TRIML1: variants seen among roughly 807,000 people sequenced by gnomAD.
TRIML1 encodes the protein probable E3 ubiquitin-protein ligase TRIML1.
Under a neutral mutation model 32.3 loss-of-function variants are expected in TRIML1, and 34 were observed. The observed-to-expected ratio is 1.05, with a 90% CI of 0.80 to 1.40. The LOEUF is 1.40. Ranked by LOEUF, TRIML1 falls within the 40% of genes most tolerant of loss-of-function variation. The pLI, the probability that TRIML1 is intolerant of heterozygous loss-of-function variation, is 0.00. For synonymous variants in TRIML1, 244 were observed against 226.6 expected, an observed-to-expected ratio of 1.08 and a Z score of -0.69; for missense variants, 595 against 574.9, an observed-to-expected ratio of 1.03 and a Z score of -0.36.
upstream of TRIML1, chr4:188,139,414 C>G: frequency 1.3e-6 from 1 of 765,994 alleles, no homozygotes; most frequent in Non-Finnish European, 2.1e-6. Context: ...CTGGTGAAAT[C>G]AGGCACAGAA....
At chr4:188,145,773 G>A (rs1287801090) in intron 5 of TRIML1, among the ~76,000 whole-genome samples, 1 of 152,084 alleles carries the variant, frequency 6.6e-6, no homozygotes, top group Non-Finnish European at 1.5e-5. Context: ...TCAAGATCGC[G>A]TCATTGCAGT....
chr4:188,148,002 A>C (rs137989723), downstream of TRIML1, among the ~76,000 whole-genome samples: 1 of 152,310 alleles, frequency 6.6e-6, no homozygotes, highest in Admixed American at 6.5e-5. Context: ...CCATAATCAC[A>C]ACAGGCTGGA....
rs553195275 is a variant in TRIML1 at position 188,147,221 on chromosome 4, C to T, written c.1256C>T (p.Ala419Val). 21 of 1,612,814 alleles carry T rather than the reference C, an allele frequency of 1.3e-5. No homozygotes were observed. The African/African-American group carries it at 2.4e-4, about 18-fold the overall frequency. ...CTGGACTATGAATCTGGACATATAG[C>T]ATTCTACAACGGGACGGATGAATCC... is the stretch of plus-strand genomic sequence containing the variant. ...VFLDYESGHI[A>V]FYNGTDESLI... The change falls in exon 6 of 6, where the codon GCA (alanine) becomes GTA (valine). Residue 419 changes from alanine to valine, a missense_variant. Ala to Val is a moderately conservative substitution (Grantham distance 64). Coordinates refer to ENST00000332517, the MANE Select transcript of TRIML1 (RefSeq NM_178556.5).
chr4:188,147,295 A>T lies in TRIML1; in HGVS notation c.1330A>T (p.Ile444Phe). Reference protein sequence around the residue: ...QASFQEALRPIFSPCLPNEGT... With the variant: ...QASFQEALRPFFSPCLPNEGT... ...TTCTTTCCAAGAGGCCCTCAGGCCT[A>T]TCTTTTCCCCCTGCCTCCCAAATGA... Residue 444 changes from isoleucine to phenylalanine, a missense_variant, in exon 6 of 6, where the codon ATC (isoleucine) becomes TTC (phenylalanine). Transcript: ENST00000332517. 6.5e-7 allele frequency: 1 copy of T among 1,547,620 alleles called. No individual in the cohort carries two copies. Among genetic ancestry groups the T allele is most frequent in the Non-Finnish European group, 8.7e-7 (1 of 1,149,424 alleles).
downstream of TRIML1, among the ~76,000 whole-genome samples, chr4:188,149,846 A>C: frequency 6.6e-6 from 1 of 152,156 alleles, no homozygotes; most frequent in Admixed American, 6.6e-5. Context: ...CTCTCTCGCC[A>C]GGCTGGAATG....
chr4:188,137,357 C>T (rs1734689937), upstream of TRIML1, among the ~76,000 whole-genome samples: 1 of 127,620 alleles, frequency 7.8e-6, no homozygotes, highest in Non-Finnish European at 1.6e-5. Context: ...AGCTGGAGTG[C>T]AGTGGTGGGA....
rs779173333 is a variant in TRIML1, at chr4:188,142,386, C to A, written c.639C>A (p.Asn213Lys). 4 of 1,613,612 alleles carry A rather than the reference C, an allele frequency of 2.5e-6. No homozygotes were observed. Among genetic ancestry groups the A allele is most frequent in the African/African-American group, 2.7e-5 (2 of 74,756 alleles). Residue 213 changes from asparagine (N) to lysine (K), a missense_variant, in exon 3 of 6, where the codon AAC becomes AAA. By Grantham distance (94) the Asn-to-Lys change is moderately conservative. Transcript: ENST00000332517. ...EEKENMRKLR[N>K]NEIKLTQQIR... The stretch of plus-strand genomic sequence containing the variant: ...AAGAGAACATGAGGAAGCTGAGGAA[C>A]AATGAGATCAAACTGACCCAGCAAA...
intron 5 of TRIML1, among the ~76,000 whole-genome samples, chr4:188,144,444 G>C (rs934699434): frequency 8.8e-5 from 13 of 147,676 alleles, no homozygotes; most frequent in Non-Finnish European, 1.2e-4. Context: ...CTCACTGCAA[G>C]CTCCGCTTCC....
chr4:188,149,207 C>G (rs568524029), downstream of TRIML1, among the ~76,000 whole-genome samples: 178 of 152,182 alleles, frequency 1.2e-3, no homozygotes, highest in African/African-American at 4.0e-3. Context: ...GCGTGAGCCC[C>G]CGCGCCTGGC....
chr4:188,137,295 CTTTTTT>C (rs67050879), upstream of TRIML1, among the ~76,000 whole-genome samples: 1 of 58,758 alleles, frequency 1.7e-5, no homozygotes, highest in Non-Finnish European at 3.1e-5. Context: ...TTATTGTAGT[CTTTTTT>C]TTTTTTTTTT....
At position 188,139,833 on chromosome 4, in the gene TRIML1, A is replaced by G. The variant is rs1734781033; in HGVS notation, c.275A>G (p.Gln92Arg). 6.2e-7 allele frequency: 1 copy of G among 1,613,912 alleles called. No homozygotes were observed. The highest frequency in any genetic ancestry group is 1.1e-5 in the South Asian group (1 of 91,080). Residue 92 changes from glutamine to arginine, a missense_variant, in exon 1 of 6, where the codon CAG becomes CGG. Gln to Arg is a conservative substitution (Grantham distance 43). Coordinates refer to ENST00000332517, the MANE Select transcript of TRIML1 (RefSeq NM_178556.5). ...RSQVLQSEDE[Q>R]GSYGRMPTTA... ...CAGGTGCTGCAGAGCGAGGATGAGC[A>G]GGGCAGCTACGGGAGGATGCCCACC...
downstream of TRIML1, among the ~76,000 whole-genome samples, chr4:188,149,089 A>ATT (rs776724939): frequency 7.2e-6 from 1 of 138,440 alleles, no homozygotes; most frequent in African/African-American, 2.7e-5. Context: ...AAGTTTTTGT[A>ATT]TTTTTTTTTT....
Position 188,144,066 on chromosome 4 carries a change from G to A in TRIML1, c.789G>A (p.Glu263=), listed in dbSNP as rs1265487299. The change falls in exon 5 of 6, where the codon GAG becomes GAA. Residue 263 remains glutamate, a synonymous_variant. Coordinates refer to ENST00000332517, the MANE Select transcript of TRIML1 (RefSeq NM_178556.5). ...AGCCACTCTTGCTTCAGTGTCCAGA[G>A]GCCACCACCACAGAGCTGAGTCTGT... ...RSEPLLLQCP[E]ATTTELSLCR... 1.2e-6 allele frequency: 2 copies of A among 1,613,948 alleles called. No homozygotes were observed. The highest frequency in any genetic ancestry group is 1.7e-6 in the Non-Finnish European group (2 of 1,180,018).
In TRIML1 at chr4:188,142,269, T is replaced by A. The variant is rs1417348383; in HGVS notation, c.522T>A (p.Cys174Ter). 6.2e-7 allele frequency: 1 copy of A among 1,610,988 alleles called. No individual in the cohort carries two copies. Among genetic ancestry groups the A allele is most frequent in the Admixed American group, 1.7e-5 (1 of 59,656 alleles). The stretch of plus-strand genomic sequence containing the variant: ...TTTGGCAGGAAGAAACAAAGACTTG[T>A]AAACAGGTTGTTGTGTCAGAATACA... ...VKLCQEETKT[C>*]KQVVVSEYMK... is the part of the protein sequence containing the mutation. Residue 174 changes from cysteine to a stop codon, truncating the protein, a stop_gained, in exon 3 of 6, where the codon TGT (cysteine) becomes TGA (stop). Transcript: ENST00000332517. LOFTEE classifies it high-confidence loss of function.
intron 5 of TRIML1, among the ~76,000 whole-genome samples, chr4:188,145,200 G>A (rs541121781): frequency 5.3e-5 from 8 of 152,098 alleles, no homozygotes; most frequent in African/African-American, 1.9e-4. Flanking sequence ...CACTTTGGGA[G>A]GCCAAGGCGG....
rs1735099168 is a variant in TRIML1, at chr4:188,146,820, A to C, written c.857-2A>C. 7.4e-7 allele frequency: 1 copy of C among 1,359,652 alleles called. No individual in the cohort carries two copies. The highest frequency in any genetic ancestry group is 1.5e-5 in the African/African-American group (1 of 67,732). The allele number at this position is 1,359,652 out of a possible 1,614,324, so 84.2% of individuals were successfully genotyped here. On this transcript the variant is annotated splice_acceptor_variant, in intron 5 of 5. Transcript: ENST00000332517. LOFTEE classifies it high-confidence loss of function. ...GAAATCTCTTCTTTCCTCCTCTTGC[A>C]GCGGAGATAACGCTGGACCCAGCCA...
At chr4:188,144,314 G>C (rs1421975686) in intron 5 of TRIML1, among the ~76,000 whole-genome samples, 181 bp downstream of exon 5, 2 of 151,918 alleles carry the variant, frequency 1.3e-5, no homozygotes, top group Non-Finnish European at 2.9e-5. Context: ...GAGAGAAGCA[G>C]TGAGACTTGA....
Position 188,147,300 on chromosome 4 carries a change from T to G in TRIML1, c.1335T>G (p.Phe445Leu). Residue 445 changes from phenylalanine to leucine, a missense_variant, in exon 6 of 6, where the codon TTT becomes TTG. Physicochemically the swap from Phe to Leu is conservative, Grantham distance 22. Transcript: ENST00000332517. ...ASFQEALRPI[F>L]SPCLPNEGTN... The stretch of plus-strand genomic sequence containing the variant: ...TCCAAGAGGCCCTCAGGCCTATCTT[T>G]TCCCCCTGCCTCCCAAATGAGGGGA... 6.5e-7 allele frequency: 1 copy of G among 1,541,798 alleles called. No homozygotes were observed. The highest frequency in any genetic ancestry group is 1.3e-5 in the South Asian group (1 of 78,240).
Position 188,147,128 on chromosome 4 carries a change from G to A in TRIML1, c.1163G>A (p.Ser388Asn). The stretch of plus-strand genomic sequence containing the variant: ...GGTTTAAAAATCGGAGATGATTACA[G>A]CCTCTGGGTCTCGTCACCTTTGAAA... ...LIGLKIGDDYSLWVSSPLKGQ... is the reference protein window; with the variant it reads ...LIGLKIGDDYNLWVSSPLKGQ... The change falls in exon 6 of 6, where the codon AGC becomes AAC. Residue 388 changes from serine (S) to asparagine (N), a missense_variant. By Grantham distance (46) the Ser-to-Asn change is conservative. Transcript: ENST00000332517. 6.2e-7 allele frequency: 1 copy of A among 1,614,086 alleles called. No individual in the cohort carries two copies. Among genetic ancestry groups the A allele is most frequent in the Non-Finnish European group, 8.5e-7 (1 of 1,180,022 alleles).
Sources: gnomAD v4.1 joint callset for allele counts (sites outside exome capture counted in the v4.1 genomes callset) on GRCh38, gnomAD v4.1.1 for gene constraint, MANE v1.5 for transcripts, NCBI Gene and HGNC (gene_info 2026-07-23, HGNC 2026-07-21) for gene names.